TRAPPC9: variants seen among roughly 807,000 people sequenced by gnomAD.
TRAPPC9 encodes the protein IKK2 binding protein.
A neutral mutation model predicts 124.0 loss-of-function variants in TRAPPC9; 83 were observed. That is an observed-to-expected ratio of 0.67 (90% CI 0.56 to 0.80). The LOEUF (loss-of-function observed/expected upper bound fraction) is 0.80. Ranked by LOEUF, TRAPPC9 falls within the 30% of genes least tolerant of loss-of-function variation. The pLI is 0.00. For synonymous variants in TRAPPC9, 638 were observed against 617.5 expected (o/e 1.03, Z -0.49); for missense variants, 1,302 against 1,508.3 (o/e 0.86, Z 2.27).
intron 21 of TRAPPC9, among the ~76,000 whole-genome samples, chr8:139,831,232 A>G (rs938849957): frequency 6.6e-6 from 1 of 152,112 alleles, no homozygotes; most frequent in African/African-American, 2.4e-5. Flanking sequence ...CCGCCCACAC[A>G]TTAGTTGGAC....
chr8:140,006,253 T>C (rs955408377), intron 18 of TRAPPC9, among the ~76,000 whole-genome samples: 3 of 152,224 alleles, frequency 2.0e-5, no homozygotes, highest in Non-Finnish European at 4.4e-5. Flanking sequence ...GATAACTGTT[T>C]CTAATTTTTT....
intron 14 of TRAPPC9, among the ~76,000 whole-genome samples, chr8:140,276,688 G>A (rs1348976596): frequency 6.6e-6 from 1 of 152,152 alleles, no homozygotes; most frequent in Non-Finnish European, 1.5e-5. Context: ...TGGTAGCACA[G>A]TGGGGACAAA....
At chr8:140,332,213 A>C (rs1403466680) in intron 9 of TRAPPC9, among the ~76,000 whole-genome samples, 6 of 152,218 alleles carry the variant, frequency 3.9e-5, no homozygotes, top group African/African-American at 1.4e-4. Context: ...GCATTATGTT[A>C]AGTAAAATAA....
At chr8:139,874,140 C>T (rs182728353) in intron 21 of TRAPPC9, among the ~76,000 whole-genome samples, 63 of 152,278 alleles carry the variant, frequency 4.1e-4, no homozygotes, top group African/African-American at 1.5e-3. Flanking sequence ...AAGGCAGATG[C>T]CAGGAATACG....
intron 21 of TRAPPC9, among the ~76,000 whole-genome samples, chr8:139,796,325 C>A (rs1409814012): frequency 6.6e-6 from 1 of 152,158 alleles, no homozygotes; most frequent in African/African-American, 2.4e-5. Context: ...CTGGGCTCAC[C>A]AGCAAAGGGG....
At chr8:140,149,671 A>G (rs78565664) in intron 17 of TRAPPC9, among the ~76,000 whole-genome samples, 1 of 152,156 alleles carries the variant, frequency 6.6e-6, no homozygotes, top group Admixed American at 6.5e-5. Flanking sequence ...GACGGCTTCA[A>G]TTCCTCATTT....
intron 17 of TRAPPC9, among the ~76,000 whole-genome samples, chr8:140,137,190 T>C (rs186085217): frequency 2.6e-5 from 4 of 152,148 alleles, no homozygotes; most frequent in East Asian, 1.9e-4. Context: ...AATTGGCAAA[T>C]AGACAAAGCC....
intron 17 of TRAPPC9, among the ~76,000 whole-genome samples, chr8:140,056,541 C>T (rs1016255957): frequency 5.9e-5 from 9 of 151,932 alleles, no homozygotes; most frequent in South Asian, 4.2e-4. Context: ...TCAGTAAAGG[C>T]GCCAAGAATA....
intron 5 of TRAPPC9, among the ~76,000 whole-genome samples, chr8:140,425,186 G>A (rs1057151484): frequency 2.0e-5 from 3 of 152,238 alleles, no homozygotes; most frequent in Non-Finnish European, 4.4e-5. Context: ...CAAGAGCAGA[G>A]GCCAGAAGGC....
intron 4 of TRAPPC9, among the ~76,000 whole-genome samples, chr8:140,430,439 T>C (rs966733357): frequency 2.0e-5 from 3 of 152,094 alleles, no homozygotes; most frequent in Non-Finnish European, 4.4e-5. Flanking sequence ...GGAGACAAGC[T>C]GGGCATGTGA....
At chr8:139,885,792 C>T in intron 21 of TRAPPC9, 87 bp downstream of exon 21, 1 of 1,343,558 alleles carries the variant, frequency 7.4e-7, no homozygotes, top group Non-Finnish European at 1.0e-6. Context: ...TTGGGGTGCC[C>T]AGCCACACCC....
At chr8:139,838,108 C>T (rs577249897) in intron 21 of TRAPPC9, among the ~76,000 whole-genome samples, 1 of 152,276 alleles carries the variant, frequency 6.6e-6, no homozygotes, top group South Asian at 2.1e-4. Flanking sequence ...GTGGAATTCT[C>T]CCAGTTCCCC....
intron 21 of TRAPPC9, among the ~76,000 whole-genome samples, chr8:139,759,459 G>A (rs1820079516): frequency 6.6e-6 from 1 of 152,196 alleles, no homozygotes; most frequent in African/African-American, 2.4e-5. Context: ...CAAGGCTGGT[G>A]TCCTGGGCTG....
intron 15 of TRAPPC9, among the ~76,000 whole-genome samples, chr8:140,275,029 T>A (rs920104481): frequency 1.3e-5 from 2 of 152,262 alleles, no homozygotes; most frequent in Non-Finnish European, 1.5e-5. Flanking sequence ...TTTTCCCTCC[T>A]CCTATACAAT....
chr8:139,862,952 G>A (rs549272970), intron 21 of TRAPPC9, among the ~76,000 whole-genome samples: 1 of 152,336 alleles, frequency 6.6e-6, no homozygotes, highest in Admixed American at 6.5e-5. Flanking sequence ...TAAATCTCCT[G>A]GCATGTGGCA....
chr8:139,832,580 G>C lies in TRAPPC9; in HGVS notation c.3055+53299C>G, dbSNP rs543916614. Among the ~76,000 whole-genome samples the C allele has an allele frequency of 2.6e-5, 4 of 152,300 alleles. No homozygotes were observed. The East Asian group carries it at 7.7e-4, about 29-fold the overall frequency. ...ACTCAGCTTTGCCACCTTGAACTCA[G>C]CGAGCTCTTTGCCAAGGGCAGGTGT... On this transcript the variant is annotated intron_variant, in intron 21 of 22. Transcript: ENST00000438773.
At chr8:139,901,216 T>C (rs926007420) in intron 20 of TRAPPC9, among the ~76,000 whole-genome samples, 3 of 152,122 alleles carry the variant, frequency 2.0e-5, no homozygotes, top group Non-Finnish European at 2.9e-5. Context: ...GAAAATAGGC[T>C]GTTTGCATCC....
intron 2 of TRAPPC9, 98 bp downstream of exon 2, chr8:140,450,692 C>T: frequency 1.0e-6 from 1 of 983,780 alleles, no homozygotes; most frequent in Non-Finnish European, 1.6e-6. Context: ...AACCAATGGA[C>T]AACACCTTTC....
chr8:140,258,734 G>C (rs1006206363), intron 15 of TRAPPC9, among the ~76,000 whole-genome samples: 3 of 152,260 alleles, frequency 2.0e-5, no homozygotes, highest in Non-Finnish European at 4.4e-5. Context: ...GATAGAATGG[G>C]ATAAGAGAGG....
Sources: gnomAD v4.1 joint callset for allele counts (sites outside exome capture counted in the v4.1 genomes callset) on GRCh38, gnomAD v4.1.1 for gene constraint, MANE v1.5 for transcripts, NCBI Gene and HGNC (gene_info 2026-07-23, HGNC 2026-07-21) for gene names.